The following CDC42BPB variants were observed in gnomAD, a reference collection of about 807,000 sequenced individuals.
The protein encoded by CDC42BPB is serine/threonine-protein kinase MRCK beta.
Under a neutral mutation model 214.9 loss-of-function variants are expected in CDC42BPB, and 37 were observed. The ratio of observed to expected loss-of-function variants is 0.17; its 90% CI spans 0.13 to 0.23. The LOEUF is 0.23. Ranked by LOEUF, CDC42BPB falls within the 10% of genes least tolerant of loss-of-function variation. CDC42BPB has a pLI of 1.00. For synonymous variants in CDC42BPB, 931 were observed against 884.0 expected, an observed-to-expected ratio of 1.05 and a Z score of -0.94; for missense variants, 1,694 against 2,227.0, an observed-to-expected ratio of 0.76 and a Z score of 4.82.
intron 1 of CDC42BPB, 145 bp downstream of exon 1, chr14:103,056,854 G>C (rs1237790917): frequency 3.8e-6 from 2 of 521,600 alleles, no homozygotes; most frequent in Admixed American, 4.4e-5. Context: ...GGCGCTGCCA[G>C]AGCGAGAGGA....
chr14:102,992,576 C>G (rs1894542735), intron 5 of CDC42BPB, among the ~76,000 whole-genome samples: 1 of 152,126 alleles, frequency 6.6e-6, no homozygotes, highest in Non-Finnish European at 1.5e-5. Flanking sequence ...CCTGTGCTCA[C>G]GTCACACGCT....
chr14:103,022,627 G>A (rs1886833150), intron 1 of CDC42BPB, among the ~76,000 whole-genome samples: 1 of 152,202 alleles, frequency 6.6e-6, no homozygotes, highest in South Asian at 2.1e-4. Flanking sequence ...CCCCACGGGT[G>A]CTCACATCAC....
rs755400950 is a variant in CDC42BPB, at chr14:102,939,817, G to A, written c.4709+13C>T. 7 of 1,614,024 alleles carry A rather than the reference G, an allele frequency of 4.3e-6. No individual in the cohort carries two copies. In the Middle Eastern group the frequency reaches 9.9e-4, roughly 228 times the overall value. ...AGCGAGGCCCAGCAGGCCCCGTGAG[G>A]CCCCGCTCCTACCGCCTCTGCTGCA... is the stretch of plus-strand genomic sequence containing the variant. On this transcript the variant is annotated intron_variant, in intron 33 of 36. Coordinates refer to ENST00000361246, the MANE Select transcript of CDC42BPB (RefSeq NM_006035.4).
Position 102,983,750 on chromosome 14 carries a change from A to C in CDC42BPB, c.697T>G (p.Ser233Ala). ...LKMNDDGTVQ[S>A]SVAVGTPDYI... is the part of the protein sequence containing the mutation. Reference sequence around the variant, plus strand: ...TCAGGTGTGCCCACGGCCACGGAGGACTGCACCTTAGGGGAGAAGGAGGTG... The same window carrying C: ...TCAGGTGTGCCCACGGCCACGGAGGCCTGCACCTTAGGGGAGAAGGAGGTG... Residue 233 changes from serine (S) to alanine (A), a missense_variant, in exon 7 of 37, where the codon TCC becomes GCC. By Grantham distance (99) the Ser-to-Ala change is moderately conservative. Coordinates refer to ENST00000361246, the MANE Select transcript of CDC42BPB (RefSeq NM_006035.4). The C allele has an allele frequency of 6.2e-7, 1 of 1,612,566 alleles. No individual in the cohort carries two copies. The highest frequency in any genetic ancestry group is 8.5e-7 in the Non-Finnish European group (1 of 1,179,978).
intron 11 of CDC42BPB, 43 bp downstream of exon 11, chr14:102,975,640 TG>T (rs1281967153): frequency 5.0e-6 from 8 of 1,596,152 alleles, no homozygotes; most frequent in Non-Finnish European, 6.9e-6. Flanking sequence ...AAGACAGTAA[TG>T]ACCAAAAATA....
intron 1 of CDC42BPB, among the ~76,000 whole-genome samples, chr14:103,026,141 T>C (rs1456280570): frequency 1.3e-5 from 2 of 152,202 alleles, no homozygotes; most frequent in Non-Finnish European, 2.9e-5. Flanking sequence ...CTCACACCTA[T>C]AATCCCAGCA....
chr14:102,964,210 C>A (rs3818287), intron 19 of CDC42BPB, among the ~76,000 whole-genome samples: 23,416 of 152,256 alleles, frequency 0.15, 1,918 homozygotes, highest in East Asian at 0.28. Context: ...GTGTGAGTCT[C>A]GCTACCCAGC....
intron 30 of CDC42BPB, chr14:102,941,645 C>T (rs1485532863): frequency 1.3e-6 from 1 of 752,334 alleles, no homozygotes; most frequent in African/African-American, 1.9e-5. Context: ...AGTTTGCTGA[C>T]TCAGTGATAA....
chr14:102,963,556 T>G (rs1191184731), intron 19 of CDC42BPB, among the ~76,000 whole-genome samples: 1 of 152,146 alleles, frequency 6.6e-6, no homozygotes, highest in East Asian at 1.9e-4. Flanking sequence ...CCCGCACGGG[T>G]AGCCTTGCAA....
At chr14:102,946,305 G>C (rs575669472) in intron 28 of CDC42BPB, among the ~76,000 whole-genome samples, 163 bp downstream of exon 28, 1 of 152,156 alleles carries the variant, frequency 6.6e-6, no homozygotes, top group Non-Finnish European at 1.5e-5. Context: ...TTACAGGCGT[G>C]AGCCACCGCA....
chr14:103,055,935 T>C (rs1888921901), intron 1 of CDC42BPB, among the ~76,000 whole-genome samples: 1 of 152,242 alleles, frequency 6.6e-6, no homozygotes, highest in African/African-American at 2.4e-5. Flanking sequence ...GATAAGGTTT[T>C]CATAGGTTTG....
Position 102,943,797 on chromosome 14 carries a change from G to A in CDC42BPB, c.4408+94C>T. 1 of 1,130,714 alleles carries A rather than the reference G, an allele frequency of 8.8e-7. No homozygotes were observed. Among genetic ancestry groups the A allele is most frequent in the South Asian group, 1.5e-5 (1 of 68,004 alleles). The allele number at this position is 1,130,714 out of a possible 1,614,324, so 70.0% of individuals were successfully genotyped here. ...GATGCTCTGTGACTACTCAACTAAG[G>A]GACTGGAAGACAAACCAAAGCAAAA... On this transcript the variant is annotated intron_variant, in intron 30 of 36. Transcript: ENST00000361246. This position sits in a 1 kb window ranked among gnomAD's most constrained non-coding sequence, Gnocchi z 4.6.
chr14:102,954,068 G>C, intron 23 of CDC42BPB, 130 bp downstream of exon 23: 1 of 690,136 alleles, frequency 1.4e-6, no homozygotes, highest in Admixed American at 2.4e-5. Flanking sequence ...GAACATGAGG[G>C]TCGCTACTGT....
At chr14:103,017,406 T>C (rs565084080) in intron 1 of CDC42BPB, among the ~76,000 whole-genome samples, 36 of 152,102 alleles carry the variant, frequency 2.4e-4, no homozygotes, top group Non-Finnish European at 4.7e-4. Context: ...AAATGGGATA[T>C]TTATATAGTT....
chr14:102,932,892 A>AGGGGGGGGGGGGGG lies in CDC42BPB; in HGVS notation c.*819_*820insCCCCCCCCCCCCCC, dbSNP rs1566832723. On this transcript the variant is annotated 3_prime_UTR_variant, in exon 37 of 37. Coordinates refer to ENST00000361246, the MANE Select transcript of CDC42BPB (RefSeq NM_006035.4). ...AGGACTGGTGGGGGGGGGGGCGGGC[A>AGGGGGGGGGGGGGG]GGGCGGGGCGGGGTGGGGTATCCCA... The AGGGGGGGGGGGGGG allele has an allele frequency of 2.2e-4, 1 of 4,456 alleles. No homozygotes were observed. Among genetic ancestry groups the AGGGGGGGGGGGGGG allele is most frequent in the Non-Finnish European group, 5.2e-4 (1 of 1,930 alleles). The allele number at this position is 4,456 out of a possible 1,614,324, so 0.3% of individuals were successfully genotyped here. A position where few individuals can be genotyped will look rare whatever the true frequency, so the allele number is the denominator to read the frequency against.
intron 24 of CDC42BPB, among the ~76,000 whole-genome samples, chr14:102,951,662 G>A (rs1892496053): frequency 6.6e-6 from 1 of 151,854 alleles, no homozygotes; most frequent in African/African-American, 2.4e-5. Flanking sequence ...GGTGGCGTGG[G>A]CCTGTCCCCA....
At chr14:102,953,889 T>G (rs1340306723) in intron 23 of CDC42BPB, among the ~76,000 whole-genome samples, 1 of 152,310 alleles carries the variant, frequency 6.6e-6, no homozygotes, top group Admixed American at 6.5e-5. Context: ...GTAAGCTGCC[T>G]ACCTGTGGAG....
At position 103,004,054 on chromosome 14, in the gene CDC42BPB, T is replaced by C. The variant is rs951928142; in HGVS notation, c.352-31A>G. 6.4e-7 allele frequency: 1 copy of C among 1,567,998 alleles called. No homozygotes were observed. The highest frequency in any genetic ancestry group is 1.1e-5 in the South Asian group (1 of 87,484). ...AAGCAACGAGGGGTGTCAGTCTGTG[T>C]TCACTGGGAAGCAGGCCAGAGAGCG... On this transcript the variant is annotated intron_variant, in intron 3 of 36. Coordinates refer to ENST00000361246, the MANE Select transcript of CDC42BPB (RefSeq NM_006035.4). This position sits in a 1 kb window ranked among gnomAD's most constrained non-coding sequence, Gnocchi z 5.3.
chr14:102,943,775 G>GCTCTGTGACTACTCAACTAAGGGA lies in CDC42BPB; in HGVS notation c.4408+92_4408+115dup. ...TGGCATGGGGCCCACCTCTCCCGAT[G>GCTCTGTGACTACTCAACTAAGGGA]CTCTGTGACTACTCAACTAAGGGAC... On this transcript the variant is annotated intron_variant, in intron 30 of 36. Transcript: ENST00000361246. The surrounding 1 kb of genome is among the most constrained non-coding windows in gnomAD (Gnocchi z 4.6). 1.1e-6 allele frequency: 1 copy of GCTCTGTGACTACTCAACTAAGGGA among 898,036 alleles called. No individual in the cohort carries two copies. The highest frequency in any genetic ancestry group is 1.7e-6 in the Non-Finnish European group (1 of 593,626). 55.6% of individuals were successfully genotyped at this position (898,036 alleles called of 1,614,324 possible).
Sources: gnomAD v4.1 joint callset for allele counts (sites outside exome capture counted in the v4.1 genomes callset) on GRCh38, gnomAD v4.1.1 for gene constraint, Gnocchi (gnomAD v3.1) non-coding constraint, MANE v1.5 for transcripts, NCBI Gene and HGNC (gene_info 2026-07-23, HGNC 2026-07-21) for gene names.